Variants in RIF1 observed in about 807,000 individuals in gnomAD.
RIF1 encodes the protein telomere-associated protein RIF1.
In RIF1, 45 loss-of-function variants were observed where a neutral mutation model predicts 247.1. The observed-to-expected ratio is 0.18, with a 90% CI of 0.14 to 0.23. The LOEUF (loss-of-function observed/expected upper bound fraction) is 0.23, where lower values mean the gene tolerates loss of function less well. RIF1 is among the 10% of genes least tolerant of loss of function. The probability of loss-of-function intolerance (pLI) is 1.00; values close to 1 mark genes in which losing one functional copy is unlikely to be tolerated. For synonymous variants in RIF1, 1,087 were observed against 978.8 expected (o/e 1.11, Z -2.06); for missense variants, 2,967 against 2,862.5 (o/e 1.04, Z -0.83).
rs1315090259 is a variant in RIF1 at position 151,443,563 on chromosome 2, G to A, written c.1840G>A (p.Val614Ile). 1 of 1,607,614 alleles carries A rather than the reference G, an allele frequency of 6.2e-7. No homozygotes were observed. The highest frequency in any genetic ancestry group is 1.1e-5 in the South Asian group (1 of 89,430). The change falls in exon 18 of 36, where the codon GTT becomes ATT. Residue 614 changes from valine to isoleucine, a missense_variant. Around this residue, in one of 7 missense-constraint regions of RIF1, gnomAD observed 369 missense variants for 322.0 expected, o/e 1.15. Transcript: ENST00000444746. ...CAGTTTGGAATCACTTGTAGGCTGTGTTCTTTCTGGTCCAACTTCACCACT... is the reference window on the plus strand; with the variant it reads ...CAGTTTGGAATCACTTGTAGGCTGTATTCTTTCTGGTCCAACTTCACCACT... Reference protein sequence around the residue: ...FLSLESLVGCVLSGPTSPLAF... With the variant: ...FLSLESLVGCILSGPTSPLAF...
intron 17 of RIF1, 88 bp from the exon 18 acceptor site, chr2:151,443,439 CTT>C: frequency 2.2e-6 from 3 of 1,383,526 alleles, no homozygotes; most frequent in Non-Finnish European, 2.9e-6. Context: ...AATTCGTTAA[CTT>C]TTTGTCAGTT....
Position 151,465,133 on chromosome 2 carries a change from T to C in RIF1, c.5613T>C (p.Asn1871=), listed in dbSNP as rs1696711843. Residue 1871 remains asparagine, a synonymous_variant, in exon 30 of 36, where the codon AAT becomes AAC. Coordinates refer to ENST00000444746, the MANE Select transcript of RIF1 (RefSeq NM_018151.5). ...GCCCGTGTTTAGGAGACTCGAAAAA[T>C]GTTTCACAGGAATCTTTGGAGACAA... ...TVGPCLGDSK[N]VSQESLETKE... is the part of the protein sequence containing the mutation. 6.2e-7 allele frequency: 1 copy of C among 1,612,108 alleles called. No homozygotes were observed. Among genetic ancestry groups the C allele is most frequent in the African/African-American group, 1.4e-5 (1 of 73,868 alleles).
At chr2:151,418,647 G>T (rs553089725) in intron 6 of RIF1, among the ~76,000 whole-genome samples, 1 of 151,106 alleles carries the variant, frequency 6.6e-6, no homozygotes, top group East Asian at 2.0e-4. Context: ...GGCCCAGGTG[G>T]GTGGATTACC....
rs965007242 is a variant in RIF1 at position 151,478,936 on chromosome 2, T to A, written c.*3865T>A. 1 of 152,172 alleles carries A rather than the reference T, an allele frequency of 6.6e-6. No homozygotes were observed. Among genetic ancestry groups the A allele is most frequent in the African/African-American group, 2.4e-5 (1 of 41,444 alleles). 9.4% of individuals were successfully genotyped at this position (152,172 alleles called of 1,614,324 possible). A position where few individuals can be genotyped will look rare whatever the true frequency, so the allele number is the denominator to read the frequency against. ...TGCAACCCATGGTCTATCCTATTCC[T>A]AAGCCATTAGAAAGACCTTGTACTT... On this transcript the variant is annotated 3_prime_UTR_variant, in exon 36 of 36. Transcript: ENST00000444746.
chr2:151,518,545 C>G, the RIF1 span: 2 of 686,302 alleles, frequency 2.9e-6, no homozygotes, highest in Non-Finnish European at 5.2e-6. Flanking sequence ...ATGGCAAACA[C>G]TAAACAGGAG....
In RIF1 at chr2:151,462,439, AAAG is replaced by A. The variant is rs1202863437; in HGVS notation, c.3337_3339del (p.Lys1113del). 6.4e-7 allele frequency: 1 copy of A among 1,564,378 alleles called. No individual in the cohort carries two copies. The highest frequency in any genetic ancestry group is 8.7e-7 in the Non-Finnish European group (1 of 1,153,664). ...AAATTCCTACTTTAACCAGAAAACC[AAAG>A]GAGGATTCTAAGATGATGATTACGG... On this transcript the variant is annotated inframe_deletion, in exon 29 of 36. Transcript: ENST00000444746.
At chr2:151,454,340 C>A (rs1159942844) in intron 21 of RIF1, among the ~76,000 whole-genome samples, 2 of 152,090 alleles carry the variant, frequency 1.3e-5, no homozygotes, top group Non-Finnish European at 2.9e-5. Context: ...TCAGACAGTA[C>A]TTTTAGGACA....
At chr2:151,504,578 C>CAA (rs1480435429) in intron 12 of RIF1, among the ~76,000 whole-genome samples, 1 of 152,174 alleles carries the variant, frequency 6.6e-6, no homozygotes. Context: ...AGAGAAATAT[C>CAA]AAGTATCCTA....
rs1696626675 is a variant in RIF1, at chr2:151,464,488, T to A, written c.4968T>A (p.Thr1656=). ...LPNVCEEKNE[T]SKYAEYSFTS... ...ATGTGTGTGAGGAAAAAAATGAAACTAGCAAATATGCAGAATATTCCTTTA... is the reference window on the plus strand; with the variant it reads ...ATGTGTGTGAGGAAAAAAATGAAACAAGCAAATATGCAGAATATTCCTTTA... The change falls in exon 30 of 36, where the codon ACT becomes ACA. Residue 1656 remains threonine (T), a synonymous_variant. Transcript: ENST00000444746. The A allele has an allele frequency of 5.0e-6, 8 of 1,612,464 alleles. No individual in the cohort carries two copies. Among genetic ancestry groups the A allele is most frequent in the African/African-American group, 1.3e-5 (1 of 74,866 alleles).
chr2:151,433,666 G>T (rs1327134667), intron 10 of RIF1, among the ~76,000 whole-genome samples: 1 of 151,646 alleles, frequency 6.6e-6, no homozygotes, highest in African/African-American at 2.4e-5. Context: ...TGGTGGCCAG[G>T]CTGGTCTCGC....
chr2:151,448,631 T>C (rs1271631744), intron 20 of RIF1, among the ~76,000 whole-genome samples: 2 of 152,252 alleles, frequency 1.3e-5, no homozygotes, highest in Non-Finnish European at 2.9e-5. Context: ...AGGTTTCTGC[T>C]TCCTTTTCCA....
chr2:151,453,641 A>C (rs1694723114), intron 21 of RIF1, among the ~76,000 whole-genome samples: 1 of 151,298 alleles, frequency 6.6e-6, no homozygotes, highest in African/African-American at 2.4e-5. Flanking sequence ...ATCTGGGATT[A>C]CCATATTGCT....
At chr2:151,508,478 T>C (rs530092023), downstream of RIF1, among the ~76,000 whole-genome samples, 3 of 152,326 alleles carry the variant, frequency 2.0e-5, no homozygotes, top group African/African-American at 7.2e-5. Flanking sequence ...TGAAGCTATG[T>C]AGCCAGACTG....
Position 151,501,410 on chromosome 2 carries a change from T to TTGAG in RIF1, c.*710-1622_*710-1619dup, listed in dbSNP as rs748550315. 3.2e-6 allele frequency: 5 copies of TTGAG among 1,549,428 alleles called. No individual in the cohort carries two copies. The highest frequency in any genetic ancestry group is 2.4e-5 in the East Asian group (1 of 40,968). On this transcript the variant is annotated intron_variant and NMD_transcript_variant, in intron 11 of 13. Transcript: ENST00000454583. ...AAATACCGAGCTAAAGTTTTCTTGA[T>TTGAG]TGAGTTTGACTCGCTCCATCTCAGG...
chr2:151,428,927 GTAAT>G lies in RIF1; in HGVS notation c.925+6_925+9del. On this transcript the variant is annotated splice_donor_region_variant and intron_variant, in intron 9 of 35. Coordinates refer to ENST00000444746, the MANE Select transcript of RIF1 (RefSeq NM_018151.5). ...ATAATTTTGCTTTAAATCCAGGTAA[GTAAT>G]ATTTTAACAATTTTGATTTTCTGTG... The G allele has an allele frequency of 2.1e-6, 3 of 1,429,530 alleles. No individual in the cohort carries two copies. Among genetic ancestry groups the G allele is most frequent in the Non-Finnish European group, 2.9e-6 (3 of 1,025,890 alleles). The allele number at this position is 1,429,530 out of a possible 1,614,324, so 88.6% of individuals were successfully genotyped here. A position where few individuals can be genotyped will look rare whatever the true frequency, so the allele number is the denominator to read the frequency against.
intron 9 of RIF1, among the ~76,000 whole-genome samples, chr2:151,430,856 G>T (rs1194852573): frequency 6.6e-6 from 1 of 151,950 alleles, no homozygotes; most frequent in South Asian, 2.1e-4. Context: ...ATTTGACCAC[G>T]TTGCCCGGGC....
chr2:151,415,975 C>A lies in RIF1; in HGVS notation c.281-586C>A, dbSNP rs115425318. Among the ~76,000 whole-genome samples, 879 of 152,258 alleles carry A rather than the reference C, an allele frequency of 5.8e-3. 5 individuals carry two copies. The highest frequency in any genetic ancestry group is 9.1e-3 in the Non-Finnish European group (621 of 68,016). ...AAGGAATATGCTGAATTGAAAAGTT[C>A]TTTGACATGATAAATGTGGGATAAT... On this transcript the variant is annotated intron_variant, in intron 4 of 35. Transcript: ENST00000444746.
At chr2:151,446,278 C>T in intron 19 of RIF1, 148 bp from the exon 20 acceptor site, 1 of 734,898 alleles carries the variant, frequency 1.4e-6, no homozygotes, top group Non-Finnish European at 2.2e-6. Context: ...GGGTTACAGG[C>T]GTGAGCCACT....
chr2:151,461,340 T>G (rs1241297831), intron 27 of RIF1, 51 bp downstream of exon 27: 4 of 1,553,434 alleles, frequency 2.6e-6, no homozygotes, highest in African/African-American at 1.4e-5. Flanking sequence ...AGGCTTAGAT[T>G]TCATGCAAGA....
Sources: allele counts gnomAD v4.1 joint callset (sites outside exome capture counted in the v4.1 genomes callset), GRCh38; gene constraint gnomAD v4.1.1; regional missense constraint gnomAD v4.1.1; transcripts MANE v1.5; gene names NCBI Gene and HGNC (gene_info 2026-07-23, HGNC 2026-07-21).